Variants in NR2C1 observed in about 807,000 individuals in gnomAD.
The protein encoded by NR2C1 is nuclear receptor subfamily 2 group C member 1.
Under a neutral mutation model 74.8 loss-of-function variants are expected in NR2C1, and 33 were observed. That is an observed-to-expected ratio of 0.44 (90% confidence interval 0.33 to 0.59). The LOEUF is 0.59. Among genes scored for constraint, NR2C1 ranks in the 20% least tolerant of loss-of-function variants. NR2C1 has a pLI of 0.02. For synonymous variants in NR2C1, 225 were observed against 240.6 expected (o/e 0.94, Z 0.60); for missense variants, 568 against 715.6 (o/e 0.79, Z 2.35).
At chr12:95,049,758 A>G (rs1344202394) in intron 8 of NR2C1, among the ~76,000 whole-genome samples, 1 of 152,190 alleles carries the variant, frequency 6.6e-6, no homozygotes, top group African/African-American at 2.4e-5. Context: ...ACACAGTACA[A>G]TAGGTCTTAA....
intron 12 of NR2C1, among the ~76,000 whole-genome samples, chr12:95,026,577 T>C (rs1349465386): frequency 6.6e-6 from 1 of 152,216 alleles, no homozygotes; most frequent in African/African-American, 2.4e-5. Context: ...TTCAAATCTA[T>C]GTTCCTTCAA....
intron 7 of NR2C1, among the ~76,000 whole-genome samples, chr12:95,055,441 G>A (rs548890059): frequency 6.6e-6 from 1 of 152,228 alleles, no homozygotes; most frequent in East Asian, 1.9e-4. Context: ...GCAATTACAT[G>A]CTAAAGCCCA....
intron 9 of NR2C1, among the ~76,000 whole-genome samples, chr12:95,047,788 G>A (rs1296967959): frequency 1.3e-5 from 2 of 152,160 alleles, no homozygotes; most frequent in Admixed American, 1.3e-4. Flanking sequence ...GTAATGTAAG[G>A]TCTCCACAGT....
At chr12:95,025,993 G>A (rs1869312796) in intron 12 of NR2C1, among the ~76,000 whole-genome samples, 1 of 151,710 alleles carries the variant, frequency 6.6e-6, no homozygotes, top group Non-Finnish European at 1.5e-5. Context: ...GGATCACAAG[G>A]TCAGGGGTTC....
intron 12 of NR2C1, 176 bp downstream of exon 12, chr12:95,028,211 C>T (rs1483848918): frequency 2.4e-5 from 13 of 550,964 alleles, no homozygotes; most frequent in Non-Finnish European, 1.9e-5. Context: ...CTTGGGCTGA[C>T]AAGAGTGAAG....
chr12:95,039,118 T>TA (rs34265699), intron 10 of NR2C1, among the ~76,000 whole-genome samples: 11 of 152,118 alleles, frequency 7.2e-5, no homozygotes, highest in Admixed American at 5.2e-4. Flanking sequence ...AATTGAATGT[T>TA]AAAAAAGGAC....
At chr12:95,051,672 T>G in intron 8 of NR2C1, 90 bp downstream of exon 8, 1 of 1,178,982 alleles carries the variant, frequency 8.5e-7, no homozygotes, top group South Asian at 1.5e-5. Flanking sequence ...TTTCTGAAAC[T>G]TTTATAAATA....
intron 8 of NR2C1, 46 bp downstream of exon 8, chr12:95,051,715 GA>G (rs1352268356): frequency 6.7e-7 from 1 of 1,487,702 alleles, no homozygotes. Flanking sequence ...AAGAAATACT[GA>G]AAGACATGTA....
At chr12:95,024,626 C>T (rs775523587) in intron 13 of NR2C1, among the ~76,000 whole-genome samples, 1 of 152,100 alleles carries the variant, frequency 6.6e-6, no homozygotes, top group Non-Finnish European at 1.5e-5. Context: ...TAGACAGGGT[C>T]TCACTCTGTC....
Position 95,022,350 on chromosome 12 carries a change from A to T in NR2C1, c.1691T>A (p.Ile564Asn). 6.2e-7 allele frequency: 1 copy of T among 1,613,718 alleles called. No homozygotes were observed. The highest frequency in any genetic ancestry group is 8.5e-7 in the Non-Finnish European group (1 of 1,179,898). Residue 564 changes from isoleucine to asparagine, a missense_variant, in exon 14 of 14, where the codon ATC (isoleucine) becomes AAC (asparagine). Ile to Asn is a moderately radical substitution (Grantham distance 149, BLOSUM62 -3). Transcript: ENST00000333003. Reference protein sequence around the residue: ...LPALRLMNATITEELFFKGLI... With the variant: ...LPALRLMNATNTEELFFKGLI... ...ACCTTTGAAAAACAATTCTTCAGTGATGGTAGCATTCATCAGTCTTAAAGC... is the reference window on the plus strand; with the variant it reads ...ACCTTTGAAAAACAATTCTTCAGTGTTGGTAGCATTCATCAGTCTTAAAGC...
At chr12:95,043,358 G>A (rs965517696) in intron 9 of NR2C1, among the ~76,000 whole-genome samples, 1 of 151,976 alleles carries the variant, frequency 6.6e-6, no homozygotes, top group Non-Finnish European at 1.5e-5. Context: ...CTAGTTTTGG[G>A]GGAAGGGGCA....
chr12:95,058,195 T>C (rs1027946680), intron 5 of NR2C1, 115 bp downstream of exon 5: 44 of 951,758 alleles, frequency 4.6e-5, no homozygotes, highest in Non-Finnish European at 7.5e-6. Flanking sequence ...ATATTTTTAG[T>C]TGGAAAACTG....
At chr12:95,037,866 G>GA (rs1304613515) in intron 10 of NR2C1, among the ~76,000 whole-genome samples, 1 of 139,804 alleles carries the variant, frequency 7.2e-6, no homozygotes, top group African/African-American at 2.7e-5. Context: ...CTGCACTCCA[G>GA]TCTGGGCGAC....
At position 95,022,301 on chromosome 12, in the gene NR2C1, G is replaced by A; in HGVS notation, c.1740C>T (p.Asp580=). The change falls in exon 14 of 14, where the codon GAC becomes GAT. Residue 580 remains aspartate (D), a synonymous_variant. Coordinates refer to ENST00000333003, the MANE Select transcript of NR2C1 (RefSeq NM_003297.4). ...TTTTCAAAATATGTGGGATAACACT[G>A]TCAATTCGTATATTGCCAATGAGAC... ...FKGLIGNIRI[D]SVIPHILKME... is the part of the protein sequence containing the mutation. 1 of 1,613,252 alleles carries A rather than the reference G, an allele frequency of 6.2e-7. No individual in the cohort carries two copies. Among genetic ancestry groups the A allele is most frequent in the South Asian group, 1.1e-5 (1 of 90,984 alleles).
At chr12:95,060,457 C>T (rs1234692828) in intron 3 of NR2C1, among the ~76,000 whole-genome samples, 2 of 152,212 alleles carry the variant, frequency 1.3e-5, no homozygotes, top group East Asian at 1.9e-4. Flanking sequence ...AGTTCAAGAC[C>T]AGCCTGGCCT....
At chr12:95,043,868 G>A (rs1387141933) in intron 9 of NR2C1, among the ~76,000 whole-genome samples, 1 of 151,842 alleles carries the variant, frequency 6.6e-6, no homozygotes, top group East Asian at 1.9e-4. Context: ...CACACTAAAG[G>A]GACTCGTTAT....
chr12:95,035,982 CCAG>C (rs1304891278), intron 10 of NR2C1, among the ~76,000 whole-genome samples: 1 of 152,158 alleles, frequency 6.6e-6, no homozygotes, highest in African/African-American at 2.4e-5. Context: ...GACACAAAAG[CCAG>C]CAGATGTATA....
intron 8 of NR2C1, among the ~76,000 whole-genome samples, chr12:95,050,968 T>C (rs1321550010): frequency 6.6e-6 from 1 of 152,178 alleles, no homozygotes; most frequent in African/African-American, 2.4e-5. Context: ...TCGCTCTCCA[T>C]ACACATCTTC....
chr12:95,062,743 C>A lies in NR2C1; in HGVS notation c.55-5G>T. On this transcript the variant is annotated splice_region_variant and splice_polypyrimidine_tract_variant and intron_variant, in intron 2 of 13. Transcript: ENST00000333003. ...AGTTTGCTGCTCTGTAACAATCTAA[C>A]AAAATCATGAAAAATAATCAATGAA... 1 of 1,602,218 alleles carries A rather than the reference C, an allele frequency of 6.2e-7. No individual in the cohort carries two copies. The highest frequency in any genetic ancestry group is 2.2e-5 in the East Asian group (1 of 44,826).
Sources: gnomAD v4.1 joint callset for allele counts (sites outside exome capture counted in the v4.1 genomes callset) on GRCh38, gnomAD v4.1.1 for gene constraint, MANE v1.5 for transcripts, NCBI Gene and HGNC (gene_info 2026-07-23, HGNC 2026-07-21) for gene names.